Variants in RBFOX1 observed in about 807,000 individuals in gnomAD.
RBFOX1 encodes the protein RNA binding fox-1 homolog 1, also known as RNA binding protein fox-1 homolog 1.
Under a neutral mutation model 57.7 loss-of-function variants are expected in RBFOX1, and 8 were observed. The ratio of observed to expected loss-of-function variants is 0.14; its 90% CI spans 0.08 to 0.25. RBFOX1 has a LOEUF of 0.25. Ranked by LOEUF, RBFOX1 falls within the 10% of genes least tolerant of loss-of-function variation. The pLI, the probability that RBFOX1 is intolerant of heterozygous loss-of-function variation, is 1.00. For synonymous variants in RBFOX1, 326 were observed against 222.4 expected (o/e 1.47, Z -4.15); for missense variants, 611 against 548.5 (o/e 1.11, Z -1.14).
intron 1 of RBFOX1, among the ~76,000 whole-genome samples, chr16:6,252,195 C>G (rs1456720639): frequency 1.3e-5 from 2 of 152,054 alleles, no homozygotes; most frequent in Non-Finnish European, 2.9e-5. Flanking sequence ...CATCCCGCAA[C>G]TTGATAGAAA....
At chr16:6,481,039 C>G (rs1049100092) in intron 2 of RBFOX1, among the ~76,000 whole-genome samples, 3 of 152,126 alleles carry the variant, frequency 2.0e-5, no homozygotes, top group Non-Finnish European at 4.4e-5. Context: ...TTTTTTAGGA[C>G]AGACATTAGA....
chr16:6,843,504 C>T (rs774316293), intron 3 of RBFOX1, among the ~76,000 whole-genome samples: 1 of 152,006 alleles, frequency 6.6e-6, no homozygotes, highest in Non-Finnish European at 1.5e-5. Flanking sequence ...CTGGCTAACA[C>T]TGTGAAACCC....
intron 3 of RBFOX1, among the ~76,000 whole-genome samples, chr16:6,993,949 A>T (rs879791239): frequency 1.3e-5 from 2 of 152,302 alleles, no homozygotes; most frequent in South Asian, 2.1e-4. Context: ...ATTTGGTGCA[A>T]GGCAGAAAGA....
intron 1 of RBFOX1, among the ~76,000 whole-genome samples, chr16:5,413,317 C>A (rs993021525): frequency 1.3e-5 from 2 of 152,156 alleles, no homozygotes; most frequent in Non-Finnish European, 2.9e-5. Flanking sequence ...TTCTTTCTTT[C>A]GTTTCCCAGA....
At chr16:6,982,725 GC>G (rs1349298114) in intron 3 of RBFOX1, among the ~76,000 whole-genome samples, 1 of 152,164 alleles carries the variant, frequency 6.6e-6, no homozygotes, top group African/African-American at 2.4e-5. Context: ...AGGTGCAGTG[GC>G]TCATGCCTGT....
At chr16:6,817,331 C>T (rs1312757537) in intron 3 of RBFOX1, among the ~76,000 whole-genome samples, 1 of 152,022 alleles carries the variant, frequency 6.6e-6, no homozygotes, top group Non-Finnish European at 1.5e-5. Flanking sequence ...TGTACGAGGA[C>T]CCTGCTTACC....
chr16:7,641,957 A>G (rs2062883279), intron 11 of RBFOX1, among the ~76,000 whole-genome samples: 2 of 152,018 alleles, frequency 1.3e-5, no homozygotes, highest in African/African-American at 2.4e-5. Flanking sequence ...AGGATTTTTT[A>G]AAGTCCACCA....
chr16:7,043,280 A>G (rs1356859173), intron 3 of RBFOX1, among the ~76,000 whole-genome samples: 1 of 152,156 alleles, frequency 6.6e-6, no homozygotes, highest in Admixed American at 6.5e-5. Context: ...CTTTTCTATC[A>G]CATACGACCC....
intron 2 of RBFOX1, among the ~76,000 whole-genome samples, chr16:5,548,069 G>C (rs909437928): frequency 1.3e-4 from 20 of 150,754 alleles, no homozygotes; most frequent in Non-Finnish European, 1.9e-4. Flanking sequence ...GCTGAGACAG[G>C]AGAATCCCTT....
chr16:5,835,137 T>A (rs951187774), intron 3 of RBFOX1, among the ~76,000 whole-genome samples: 2 of 152,080 alleles, frequency 1.3e-5, no homozygotes, highest in Admixed American at 1.3e-4. Context: ...CCCAGAAGTA[T>A]AATGGGGCTG....
intron 4 of RBFOX1, among the ~76,000 whole-genome samples, chr16:5,899,210 C>T (rs190115372): frequency 6.7e-6 from 1 of 150,340 alleles, no homozygotes; most frequent in Admixed American, 6.6e-5. Context: ...AGACACTCTT[C>T]AGGTGTTGAT....
At chr16:7,610,118 C>CCTT (rs71394327) in intron 10 of RBFOX1, among the ~76,000 whole-genome samples, 3 of 65,612 alleles carry the variant, frequency 4.6e-5, no homozygotes, top group Non-Finnish European at 7.5e-5. Context: ...GCCCGGCCCC[C>CCTT]TTTTTTTTTT....
At chr16:7,280,487 T>G (rs1030363807) in intron 4 of RBFOX1, among the ~76,000 whole-genome samples, 1 of 152,188 alleles carries the variant, frequency 6.6e-6, no homozygotes. Flanking sequence ...GGGAGGCCCA[T>G]GTGCCTCTGC....
chr16:5,364,526 G>A (rs941324442), intron 1 of RBFOX1, among the ~76,000 whole-genome samples: 6 of 152,190 alleles, frequency 3.9e-5, no homozygotes, highest in Non-Finnish European at 5.9e-5. Flanking sequence ...CAATAGGGAC[G>A]TCCTTCTATG....
chr16:7,505,273 G>T (rs1409585844), intron 4 of RBFOX1, among the ~76,000 whole-genome samples: 1 of 151,474 alleles, frequency 6.6e-6, no homozygotes, highest in Non-Finnish European at 1.5e-5. Flanking sequence ...ACCAGACAAG[G>T]TTCCTATACT....
intron 13 of RBFOX1, among the ~76,000 whole-genome samples, chr16:7,676,429 G>C (rs2073291785): frequency 2.6e-5 from 4 of 152,118 alleles, no homozygotes; most frequent in Admixed American, 2.6e-4. Flanking sequence ...TGAAAATCTG[G>C]AAAGTTCAGC....
chr16:5,415,433 A>C (rs1375870249), intron 1 of RBFOX1, among the ~76,000 whole-genome samples: 2 of 152,190 alleles, frequency 1.3e-5, no homozygotes, highest in African/African-American at 4.8e-5. Context: ...ACAATTAGAG[A>C]TGAGATTTGG....
At chr16:6,509,241 T>C (rs1381903038) in intron 2 of RBFOX1, among the ~76,000 whole-genome samples, 1 of 152,164 alleles carries the variant, frequency 6.6e-6, no homozygotes. Flanking sequence ...ATGGAGGAAT[T>C]TTTTTCCTAT....
At chr16:6,301,206 C>CAACCAG (rs1389052836) in intron 1 of RBFOX1, among the ~76,000 whole-genome samples, 1 of 152,114 alleles carries the variant, frequency 6.6e-6, no homozygotes, top group Non-Finnish European at 1.5e-5. Flanking sequence ...AAATTATGCA[C>CAACCAG]AACCAGACTC....
Sources: allele counts gnomAD v4.1 joint callset (sites outside exome capture counted in the v4.1 genomes callset), GRCh38; gene constraint gnomAD v4.1.1; transcripts MANE v1.5; gene names NCBI Gene and HGNC (gene_info 2026-07-23, HGNC 2026-07-21).